EPSTI1: variants seen among roughly 807,000 people sequenced by gnomAD.
EPSTI1 encodes the protein epithelial stromal interaction 1.
In EPSTI1, 66 loss-of-function variants were observed where a neutral mutation model predicts 49.9. That is an observed-to-expected ratio of 1.32 (90% CI 1.08 to 1.62). EPSTI1 has a LOEUF of 1.62. Among genes scored for constraint, EPSTI1 ranks in the 40% most tolerant of loss-of-function variants. The pLI is 0.00. For missense variants in EPSTI1, 394 were observed against 365.5 expected (o/e 1.08, Z -0.64); for synonymous variants, 137 against 130.7 (o/e 1.05, Z -0.33).
At chr13:42,896,003 G>A (rs1364952823) in intron 9 of EPSTI1, among the ~76,000 whole-genome samples, 1 of 152,174 alleles carries the variant, frequency 6.6e-6, no homozygotes, top group East Asian at 1.9e-4. Flanking sequence ...CATGGTGAGT[G>A]GCTACAGGCC....
At chr13:42,977,346 T>C (rs931701946) in intron 1 of EPSTI1, among the ~76,000 whole-genome samples, 3 of 152,254 alleles carry the variant, frequency 2.0e-5, no homozygotes, top group Non-Finnish European at 4.4e-5. Flanking sequence ...TTCTGTATTA[T>C]TCAGACAGAG....
chr13:42,932,711 T>C (rs1025938947), intron 6 of EPSTI1, among the ~76,000 whole-genome samples: 2 of 151,644 alleles, frequency 1.3e-5, no homozygotes, highest in Non-Finnish European at 2.9e-5. Context: ...ATTAGTATAG[T>C]CTTAAAATAT....
chr13:42,917,532 TG>T lies in EPSTI1; in HGVS notation c.741+8del. The T allele has an allele frequency of 6.2e-7, 1 of 1,610,220 alleles. No individual in the cohort carries two copies. Among genetic ancestry groups the T allele is most frequent in the Non-Finnish European group, 8.5e-7 (1 of 1,177,392 alleles). Reference sequence around the variant, plus strand: ...CAGTTAGCAATAACTAGTAGGGGCTTGTAAGTACCTTTTGATGTTGTTCATC... The same window carrying T: ...CAGTTAGCAATAACTAGTAGGGGCTTTAAGTACCTTTTGATGTTGTTCATC... On this transcript the variant is annotated splice_region_variant and intron_variant, in intron 8 of 10. Transcript: ENST00000313624.
intron 6 of EPSTI1, among the ~76,000 whole-genome samples, chr13:42,947,536 A>G (rs2038954590): frequency 6.6e-6 from 1 of 152,218 alleles, no homozygotes; most frequent in Non-Finnish European, 1.5e-5. Flanking sequence ...CCATTTCAAA[A>G]AGTCATCCCA....
chr13:42,956,227 A>G (rs1367550700), intron 5 of EPSTI1, among the ~76,000 whole-genome samples: 1 of 152,236 alleles, frequency 6.6e-6, no homozygotes, highest in Non-Finnish European at 1.5e-5. Context: ...GAGAGCCAAG[A>G]AGCGGAATAA....
intron 1 of EPSTI1, among the ~76,000 whole-genome samples, chr13:42,974,972 A>ATATTC (rs1290365240): frequency 6.6e-6 from 1 of 152,220 alleles, no homozygotes. Context: ...CAAGCAGAAT[A>ATATTC]GTAGACATGT....
At chr13:42,893,647 C>T (rs2037103394) in intron 10 of EPSTI1, among the ~76,000 whole-genome samples, 1 of 152,190 alleles carries the variant, frequency 6.6e-6, no homozygotes, top group Admixed American at 6.5e-5. Flanking sequence ...TCCTCACATC[C>T]TCAGCAGAAG....
At chr13:42,931,334 T>C (rs1212802822) in intron 6 of EPSTI1, among the ~76,000 whole-genome samples, 1 of 151,366 alleles carries the variant, frequency 6.6e-6, no homozygotes, top group African/African-American at 2.4e-5. Flanking sequence ...GCCTCCCGAG[T>C]AGCTGGGACT....
At chr13:42,951,752 C>A (rs1252121477) in intron 6 of EPSTI1, among the ~76,000 whole-genome samples, 2 of 152,230 alleles carry the variant, frequency 1.3e-5, no homozygotes, top group Non-Finnish European at 2.9e-5. Context: ...ACCCATTCAA[C>A]TATCCAGTCC....
At chr13:42,915,890 G>C (rs961227769) in intron 8 of EPSTI1, among the ~76,000 whole-genome samples, 5 of 151,914 alleles carry the variant, frequency 3.3e-5, no homozygotes, top group Admixed American at 1.3e-4. Context: ...TTAAATCCCA[G>C]ATCTAGTATC....
chr13:42,945,673 C>T (rs572728380), intron 6 of EPSTI1, among the ~76,000 whole-genome samples: 1 of 152,144 alleles, frequency 6.6e-6, no homozygotes, highest in South Asian at 2.1e-4. Flanking sequence ...TGCAGTAGTC[C>T]AGGGGGTGAC....
At position 42,917,540 on chromosome 13, in the gene EPSTI1, C is replaced by T. The variant is rs201357180; in HGVS notation, c.741+1G>A. 2.6e-6 allele frequency: 4 copies of T among 1,552,182 alleles called. No homozygotes were observed. Among genetic ancestry groups the T allele is most frequent in the African/African-American group, 1.4e-5 (1 of 73,190 alleles). ...AATAACTAGTAGGGGCTTGTAAGTA[C>T]CTTTTGATGTTGTTCATCCTTCATC... On this transcript the variant is annotated splice_donor_variant, in intron 8 of 10. Coordinates refer to ENST00000313624, the MANE Select transcript of EPSTI1 (RefSeq NM_033255.5). LOFTEE classifies it high-confidence loss of function.
At chr13:42,958,820 T>C (rs954569155) in intron 5 of EPSTI1, among the ~76,000 whole-genome samples, 1 of 152,080 alleles carries the variant, frequency 6.6e-6, no homozygotes, top group Non-Finnish European at 1.5e-5. Context: ...TTGGGCATTG[T>C]GAAAGACCCA....
intron 8 of EPSTI1, among the ~76,000 whole-genome samples, chr13:42,907,270 G>A (rs1489581249): frequency 6.6e-6 from 1 of 152,122 alleles, no homozygotes; most frequent in Non-Finnish European, 1.5e-5. Flanking sequence ...TCTATTTTAT[G>A]ATCTTTGTTT....
intron 6 of EPSTI1, among the ~76,000 whole-genome samples, chr13:42,943,487 C>G (rs1347846233): frequency 6.6e-6 from 1 of 152,114 alleles, no homozygotes; most frequent in Non-Finnish European, 1.5e-5. Flanking sequence ...CTACCCCAGG[C>G]TATATGTGAG....
At chr13:42,902,343 C>G (rs1194601124) in intron 8 of EPSTI1, among the ~76,000 whole-genome samples, 1 of 152,056 alleles carries the variant, frequency 6.6e-6, no homozygotes, top group Non-Finnish European at 1.5e-5. Flanking sequence ...TTCAAAGGTA[C>G]CAGGTGCCTC....
At chr13:42,948,640 C>G (rs372952032) in intron 6 of EPSTI1, among the ~76,000 whole-genome samples, 1 of 151,796 alleles carries the variant, frequency 6.6e-6, no homozygotes, top group Non-Finnish European at 1.5e-5. Flanking sequence ...CCACTCCCAG[C>G]AAATTTTTGT....
At chr13:42,924,910 G>C (rs2038125420) in intron 7 of EPSTI1, among the ~76,000 whole-genome samples, 1 of 152,136 alleles carries the variant, frequency 6.6e-6, no homozygotes, top group African/African-American at 2.4e-5. Flanking sequence ...AGGGGTAAGG[G>C]GAGATGAAGA....
At chr13:42,987,869 C>A (rs1056064936) in intron 1 of EPSTI1, among the ~76,000 whole-genome samples, 3 of 152,092 alleles carry the variant, frequency 2.0e-5, no homozygotes, top group African/African-American at 7.2e-5. Context: ...AGTTAGTATA[C>A]ATAGTGTGCA....
Sources: allele counts gnomAD v4.1 joint callset (sites outside exome capture counted in the v4.1 genomes callset), GRCh38; gene constraint gnomAD v4.1.1; transcripts MANE v1.5; gene names NCBI Gene and HGNC (gene_info 2026-07-23, HGNC 2026-07-21).